Variants in UBA7 observed in about 807,000 individuals in gnomAD.
UBA7 encodes the protein ubiquitin-like modifier-activating enzyme 7.
In UBA7, 88 loss-of-function variants were observed where a neutral mutation model predicts 113.0. That is an observed-to-expected ratio of 0.78 (90% CI 0.66 to 0.93). UBA7 has a LOEUF of 0.93. UBA7 is among the 40% of genes least tolerant of loss of function. UBA7 has a pLI of 0.00. For synonymous variants in UBA7, 459 were observed against 513.0 expected (o/e 0.89, Z 1.42); for missense variants, 1,092 against 1,266.4 (o/e 0.86, Z 2.09).
At position 49,807,118 on chromosome 3, in the gene UBA7, CAT is replaced by C. The variant is rs1219541413; in HGVS notation, c.2715+616_2715+617del. Among the ~76,000 whole-genome samples, 38 of 152,342 alleles carry C rather than the reference CAT, an allele frequency of 2.5e-4. No individual in the cohort carries two copies. The highest frequency in any genetic ancestry group is 4.1e-4 in the South Asian group (2 of 4,834). ...ATGCCCACAAGCCCAGGAACACACA[CAT>C]GTGTGCCCACATGCATCTCCATGCA... is the stretch of plus-strand genomic sequence containing the variant. On this transcript the variant is annotated intron_variant, in intron 21 of 23. Coordinates refer to ENST00000333486, the MANE Select transcript of UBA7 (RefSeq NM_003335.3). This position sits in a 1 kb window ranked among gnomAD's most constrained non-coding sequence, Gnocchi z 4.0.
rs369836142 is a variant in UBA7, at chr3:49,810,872, G to C, written c.1231-40C>G. 131 of 1,610,674 alleles carry C rather than the reference G, an allele frequency of 8.1e-5. No individual in the cohort carries two copies. The highest frequency in any genetic ancestry group is 1.1e-4 in the Non-Finnish European group (128 of 1,176,978). On this transcript the variant is annotated intron_variant, in intron 10 of 23. Coordinates refer to ENST00000333486, the MANE Select transcript of UBA7 (RefSeq NM_003335.3). This position sits in a 1 kb window ranked among gnomAD's most constrained non-coding sequence, Gnocchi z 5.6. ...CGGGGTCAGTGATGGCTACTGGCCT[G>C]CATCTCCTTCTTATACTGAGTTTTC...
intron 21 of UBA7, 157 bp from the exon 22 acceptor site, chr3:49,806,322 C>T (rs2081451941): frequency 1.5e-6 from 1 of 652,978 alleles, no homozygotes; most frequent in Non-Finnish European, 2.7e-6. Context: ...CCCAGAGTCT[C>T]AGCCCCCTCC....
At chr3:49,806,699 G>A (rs1313951732) in intron 21 of UBA7, among the ~76,000 whole-genome samples, 1 of 152,024 alleles carries the variant, frequency 6.6e-6, no homozygotes, top group Non-Finnish European at 1.5e-5. Context: ...GAGTCTTGGG[G>A]TTCTGGGACC....
chr3:49,807,890 GCAATGGCTGGGATAATCTGGCCCA>G lies in UBA7; in HGVS notation c.2537_2560del (p.Val846_Ile853del). The G allele has an allele frequency of 1.2e-6, 2 of 1,613,024 alleles. No homozygotes were observed. Among genetic ancestry groups the G allele is most frequent in the Non-Finnish European group, 1.7e-6 (2 of 1,179,180 alleles). On this transcript the variant is annotated inframe_deletion, in exon 21 of 24. Coordinates refer to ENST00000333486, the MANE Select transcript of UBA7 (RefSeq NM_003335.3). The surrounding 1 kb of genome is among the most constrained non-coding windows in gnomAD (Gnocchi z 4.0). ...GCCTGCCACAGCTGCTGTAGTGGTGGCAATGGCTGGGATAATCTGGCCCACAATTCGCTTGCTCTGCCAAGGACA... is the reference window on the plus strand; with the variant it reads ...GCCTGCCACAGCTGCTGTAGTGGTGGCAATTCGCTTGCTCTGCCAAGGACA...
In UBA7 at chr3:49,808,385, C is replaced by A. The variant is rs746791357; in HGVS notation, c.2430+1G>T. 2 of 1,614,238 alleles carry A rather than the reference C, an allele frequency of 1.2e-6. No homozygotes were observed. Among genetic ancestry groups the A allele is most frequent in the Admixed American group, 1.7e-5 (1 of 60,032 alleles). ...CTCCTCACTGCCACTTGGGCACCCA[C>A]CTTCTCAAACATCAGAGGCTTCAGG... On this transcript the variant is annotated splice_donor_variant, in intron 19 of 23. Coordinates refer to ENST00000333486, the MANE Select transcript of UBA7 (RefSeq NM_003335.3). LOFTEE classifies it high-confidence loss of function.
chr3:49,809,232 G>A lies in UBA7; in HGVS notation c.2164-73C>T, dbSNP rs1462358705. 1.4e-5 allele frequency: 22 copies of A among 1,548,462 alleles called. No individual in the cohort carries two copies. In the East Asian group the frequency reaches 4.3e-4, roughly 30 times the overall value. ...GGGGTCACTGTCCATTTGTGGATCT[G>A]TTTGAGTGCCTGCCTTTGCCTCACA... On this transcript the variant is annotated intron_variant, in intron 17 of 23. Transcript: ENST00000333486.
rs1384533284 is a variant in UBA7, at chr3:49,812,397, G to T, written c.694+11C>A. On this transcript the variant is annotated intron_variant, in intron 6 of 23. Transcript: ENST00000333486. ...GGCCCTGCACCTGGAATTGGAATGGGATTGGCTTACCCCGCACGTGGATAG... is the reference window on the plus strand; with the variant it reads ...GGCCCTGCACCTGGAATTGGAATGGTATTGGCTTACCCCGCACGTGGATAG... 4.3e-6 allele frequency: 7 copies of T among 1,614,002 alleles called. No homozygotes were observed. In the South Asian group the frequency reaches 7.7e-5, roughly 18 times the overall value.
Position 49,809,442 on chromosome 3 carries a change from A to G in UBA7, c.2111T>C (p.Phe704Ser), listed in dbSNP as rs1320664277. Reference protein sequence around the residue: ...PNKVLEDGTPFWSGPKQCPQP... With the variant: ...PNKVLEDGTPSWSGPKQCPQP... Reference sequence around the variant, plus strand: ...GGGACACTGTTTGGGACCTGACCAGAAGGGAGTTCCATCCTCAAGCACCTA... The same window carrying G: ...GGGACACTGTTTGGGACCTGACCAGGAGGGAGTTCCATCCTCAAGCACCTA... The change falls in exon 17 of 24, where the codon TTC becomes TCC. Residue 704 changes from phenylalanine to serine, a missense_variant. By Grantham distance (155) the Phe-to-Ser change is radical (BLOSUM62 -2). Coordinates refer to ENST00000333486, the MANE Select transcript of UBA7 (RefSeq NM_003335.3). 1 of 1,614,058 alleles carries G rather than the reference A, an allele frequency of 6.2e-7. No individual in the cohort carries two copies. Among genetic ancestry groups the G allele is most frequent in the Non-Finnish European group, 8.5e-7 (1 of 1,180,026 alleles).
In UBA7 at chr3:49,813,269, C is replaced by T; in HGVS notation, c.340G>A (p.Asp114Asn). ...CTGACCTGGAAGTCCAACAGCAGGT[C>T]CTCAGTGATGTCACCCGTGTGCACG... ...VVVHTGDITE[D>N]LLLDFQVVVL... is the part of the protein sequence containing the mutation. Residue 114 changes from aspartate (D) to asparagine (N), a missense_variant, in exon 3 of 24, where the codon GAC becomes AAC. Asp to Asn is a conservative substitution (Grantham distance 23). Coordinates refer to ENST00000333486, the MANE Select transcript of UBA7 (RefSeq NM_003335.3). The T allele has an allele frequency of 6.2e-7, 1 of 1,614,134 alleles. No individual in the cohort carries two copies.
intron 23 of UBA7, 27 bp downstream of exon 23, chr3:49,805,870 C>A: frequency 6.5e-7 from 1 of 1,547,806 alleles, no homozygotes; most frequent in South Asian, 1.2e-5. Context: ...ACTGGTGGGG[C>A]CTGTCTAAAG....
intron 7 of UBA7, 46 bp from the exon 8 acceptor site, chr3:49,812,062 C>G: frequency 6.2e-7 from 1 of 1,614,152 alleles, no homozygotes; most frequent in Middle Eastern, 1.6e-4. Flanking sequence ...TGCTATGGGC[C>G]CCTCAAGGCG....
In UBA7 at chr3:49,812,188, ATC is replaced by A; in HGVS notation, c.711_712del (p.Glu237AspfsTer18). The A allele has an allele frequency of 1.9e-6, 3 of 1,614,136 alleles. No homozygotes were observed. Among genetic ancestry groups the A allele is most frequent in the Non-Finnish European group, 2.5e-6 (3 of 1,180,020 alleles). The stretch of plus-strand genomic sequence containing the variant: ...CCGAGAGAAAGTTGTTGTGTCTCCA[ATC>A]TCCAGGGACCCATCCTCTGAGGGAG... On this transcript the variant is annotated frameshift_variant, in exon 7 of 24. Coordinates refer to ENST00000333486, the MANE Select transcript of UBA7 (RefSeq NM_003335.3). LOFTEE classifies it high-confidence loss of function.
At position 49,812,227 on chromosome 3, in the gene UBA7, T is replaced by G. The variant is rs753033254; in HGVS notation, c.695-21A>C. 3.7e-6 allele frequency: 6 copies of G among 1,613,790 alleles called. No homozygotes were observed. The African/African-American group carries it at 8.0e-5, about 22-fold the overall frequency. On this transcript the variant is annotated intron_variant, in intron 6 of 23. Coordinates refer to ENST00000333486, the MANE Select transcript of UBA7 (RefSeq NM_003335.3). The stretch of plus-strand genomic sequence containing the variant: ...ATCCTCTGAGGGAGTTCCAGTCTAG[T>G]CAGTAATGATCCTTGAGCCTGAGTA...
At chr3:49,808,493 C>T (rs1192837215) in intron 18 of UBA7, 25 bp from the exon 19 acceptor site, 18 of 1,612,114 alleles carry the variant, frequency 1.1e-5, no homozygotes, top group Non-Finnish European at 1.5e-5. Context: ...GATGTTGAGG[C>T]AGTCCTTAGC....
rs1128278 is a variant in UBA7 at position 49,805,325 on chromosome 3, G to A, written c.3022C>T (p.Leu1008=). The A allele has an allele frequency of 1.9e-6, 3 of 1,613,976 alleles. No homozygotes were observed. The highest frequency in any genetic ancestry group is 1.7e-6 in the Non-Finnish European group (2 of 1,180,000). ...GDDEDTAFPP[L]HYEL ...CTGCCTTGTCACAGCTCATAGTGCA[G>A]AGGTGGGAAGGCAGTGTCCTCGTCG... The change falls in exon 24 of 24, where the codon CTG becomes TTG. Residue 1008 remains leucine (L), a synonymous_variant. Transcript: ENST00000333486.
Position 49,810,395 on chromosome 3 carries a change from G to C in UBA7, c.1501C>G (p.Arg501Gly). The C allele has an allele frequency of 5.0e-6, 8 of 1,614,126 alleles. No individual in the cohort carries two copies. The highest frequency in any genetic ancestry group is 5.9e-6 in the Non-Finnish European group (7 of 1,180,020). Reference sequence around the variant, plus strand: ...ACCTGTAAGTCTGGGTTCAGGCCCCGGGCAGCTGCTGCAGCCACCTCTGCC... The same window carrying C: ...ACCTGTAAGTCTGGGTTCAGGCCCCCGGCAGCTGCTGCAGCCACCTCTGCC... ...PKAEVAAAAA[R>G]GLNPDLQVIP... is the part of the protein sequence containing the mutation. Residue 501 changes from arginine (R) to glycine (G), a missense_variant, in exon 13 of 24, where the codon CGG (arginine) becomes GGG (glycine). By Grantham distance (125) the Arg-to-Gly change is moderately radical (BLOSUM62 -2). Transcript: ENST00000333486. This position sits in a 1 kb window ranked among gnomAD's most constrained non-coding sequence, Gnocchi z 5.6.
At position 49,808,414 on chromosome 3, in the gene UBA7, G is replaced by C. The variant is rs543591062; in HGVS notation, c.2402C>G (p.Pro801Arg). ...NKALEVWSVGPPLKPLMFEKD... is the reference protein window; with the variant it reads ...NKALEVWSVGRPLKPLMFEKD... ...CTCAAACATCAGAGGCTTCAGGGGAGGGCCCACACTCCAGACTTCCAGGGC... is the reference window on the plus strand; with the variant it reads ...CTCAAACATCAGAGGCTTCAGGGGACGGCCCACACTCCAGACTTCCAGGGC... Residue 801 changes from proline (P) to arginine (R), a missense_variant, in exon 19 of 24, where the codon CCT (proline) becomes CGT (arginine). By Grantham distance (103) the Pro-to-Arg change is moderately radical. Around this residue, in one of 3 missense-constraint regions of UBA7, gnomAD observed 500 missense variants for 529.3 expected, o/e 0.94. Coordinates refer to ENST00000333486, the MANE Select transcript of UBA7 (RefSeq NM_003335.3). The C allele has an allele frequency of 1.2e-6, 2 of 1,614,198 alleles. No homozygotes were observed. The highest frequency in any genetic ancestry group is 1.3e-5 in the African/African-American group (1 of 75,038).
Position 49,811,348 on chromosome 3 carries a change from G to A in UBA7, c.1047C>T (p.Val349=), listed in dbSNP as rs758087415. 9 of 1,614,172 alleles carry A rather than the reference G, an allele frequency of 5.6e-6. No individual in the cohort carries two copies. The highest frequency in any genetic ancestry group is 5.5e-5 in the South Asian group (5 of 91,078). ...EPLDEALVRT[V]ALSSAGVLSP... ...TCAAGACACCTGCACTGCTTAGGGCGACTGTCCGCACTAGGGCCTCATCCA... is the reference window on the plus strand; with the variant it reads ...TCAAGACACCTGCACTGCTTAGGGCAACTGTCCGCACTAGGGCCTCATCCA... The change falls in exon 9 of 24, where the codon GTC becomes GTT. Residue 349 remains valine, a synonymous_variant. Transcript: ENST00000333486.
chr3:49,812,482 T>C lies in UBA7; in HGVS notation c.620A>G (p.Asp207Gly). The C allele has an allele frequency of 6.2e-7, 1 of 1,614,056 alleles. No individual in the cohort carries two copies. The highest frequency in any genetic ancestry group is 1.1e-5 in the South Asian group (1 of 91,082). ...GANTHYFRDGDLVTFSGIEGM... is the reference protein window; with the variant it reads ...GANTHYFRDGGLVTFSGIEGM... ...CTCAATTCCCGAGAAAGTCACCAAG[T>C]CTCCATCACGGAAGTAGTGGGTATT... The change falls in exon 6 of 24, where the codon GAC (aspartate) becomes GGC (glycine). Residue 207 changes from aspartate (D) to glycine (G), a missense_variant. Around this residue, in one of 3 missense-constraint regions of UBA7, gnomAD observed 584 missense variants for 714.5 expected, o/e 0.82. Transcript: ENST00000333486.
Sources: allele counts gnomAD v4.1 joint callset (sites outside exome capture counted in the v4.1 genomes callset), GRCh38; gene constraint gnomAD v4.1.1; regional missense constraint gnomAD v4.1.1; non-coding constraint Gnocchi (gnomAD v3.1); transcripts MANE v1.5; gene names NCBI Gene and HGNC (gene_info 2026-07-23, HGNC 2026-07-21).